EFCAB5: variants seen among roughly 807,000 people sequenced by gnomAD.
The protein encoded by EFCAB5 is EF-hand calcium-binding domain-containing protein 5.
Under a neutral mutation model 167.9 loss-of-function variants are expected in EFCAB5, and 131 were observed. That is an observed-to-expected ratio of 0.78 (90% CI 0.68 to 0.90). The LOEUF is 0.90. EFCAB5 is among the 40% of genes least tolerant of loss of function. The pLI is 0.00. For missense variants in EFCAB5, 1,663 were observed against 1,745.2 expected (o/e 0.95, Z 0.84); for synonymous variants, 574 against 602.8 (o/e 0.95, Z 0.70).
At chr17:29,947,266 G>A (rs148996939) in intron 3 of EFCAB5, among the ~76,000 whole-genome samples, 2 of 151,822 alleles carry the variant, frequency 1.3e-5, no homozygotes, top group African/African-American at 4.8e-5. Flanking sequence ...CTTTTCCAAC[G>A]ACTTGGATGG....
chr17:30,075,978 G>C (rs1455390255), intron 14 of EFCAB5, among the ~76,000 whole-genome samples: 1 of 152,174 alleles, frequency 6.6e-6, no homozygotes, highest in African/African-American at 2.4e-5. Context: ...AGATCCTTTT[G>C]GCTCAAGTAA....
intron 7 of EFCAB5, among the ~76,000 whole-genome samples, chr17:30,025,685 C>G (rs2069299453): frequency 6.6e-6 from 1 of 152,088 alleles, no homozygotes; most frequent in Non-Finnish European, 1.5e-5. Flanking sequence ...ACCCAAAGGA[C>G]TATAAATCAT....
At chr17:30,025,976 A>G (rs1471800158) in intron 7 of EFCAB5, among the ~76,000 whole-genome samples, 1 of 151,780 alleles carries the variant, frequency 6.6e-6, no homozygotes, top group Non-Finnish European at 1.5e-5. Flanking sequence ...CAATGAGAAC[A>G]CATGGACACA....
chr17:30,028,184 T>C (rs2069382954), intron 7 of EFCAB5, among the ~76,000 whole-genome samples: 1 of 152,186 alleles, frequency 6.6e-6, no homozygotes, highest in Non-Finnish European at 1.5e-5. Context: ...TATGGGATTG[T>C]TTAATATCAG....
intron 8 of EFCAB5, among the ~76,000 whole-genome samples, chr17:30,040,566 A>G (rs1308922854): frequency 6.6e-6 from 1 of 152,224 alleles, no homozygotes; most frequent in African/African-American, 2.4e-5. Context: ...TATAGTAAGT[A>G]TACTCCTTAG....
chr17:29,981,873 G>A (rs535615300), intron 4 of EFCAB5, among the ~76,000 whole-genome samples: 1 of 152,194 alleles, frequency 6.6e-6, no homozygotes, highest in East Asian at 1.9e-4. Context: ...TAATGAGGAT[G>A]CTATGATAAA....
intron 8 of EFCAB5, among the ~76,000 whole-genome samples, chr17:30,039,553 T>C (rs2069713585): frequency 6.6e-6 from 1 of 152,156 alleles, no homozygotes; most frequent in South Asian, 2.1e-4. Flanking sequence ...CCCCTGCATC[T>C]TGCTTGTGGT....
chr17:29,982,560 C>T (rs764494914), intron 4 of EFCAB5, among the ~76,000 whole-genome samples: 10 of 152,070 alleles, frequency 6.6e-5, no homozygotes, highest in Non-Finnish European at 1.2e-4. Flanking sequence ...AATTCAGGGG[C>T]TTTTAATTGT....
chr17:30,056,077 T>G lies in EFCAB5; in HGVS notation c.2286T>G (p.Thr762=), dbSNP rs2070256343. Residue 762 remains threonine (T), a synonymous_variant, in exon 12 of 23, where the codon ACT becomes ACG. Transcript: ENST00000394835. ...GTGTTTTTACAGGTGAATTTTTTAC[T>G]TGTAACTGGAAAATGAAGTATGTCA... is the stretch of plus-strand genomic sequence containing the variant. The part of the protein sequence containing the change: ...EGKSWSGEFF[T]CNWKMKYVTF... 1 of 1,612,742 alleles carries G rather than the reference T, an allele frequency of 6.2e-7. No individual in the cohort carries two copies. The highest frequency in any genetic ancestry group is 1.7e-5 in the Admixed American group (1 of 59,830).
intron 3 of EFCAB5, among the ~76,000 whole-genome samples, chr17:29,953,682 A>C (rs753466848): frequency 2.0e-5 from 3 of 152,246 alleles, no homozygotes; most frequent in Non-Finnish European, 4.4e-5. Context: ...GAACAGACTA[A>C]TACAGTAAAT....
In EFCAB5 at chr17:30,079,530, C is replaced by T. The variant is rs151278002; in HGVS notation, c.3028-542C>T. On this transcript the variant is annotated intron_variant, in intron 15 of 22. Transcript: ENST00000394835. ...TTAAGGTACAGAGAATTTATAGTTG[C>T]AGAAATAGTAGTTGCAGAAAGTCTG... 3.8e-3 allele frequency among the ~76,000 whole-genome samples: 574 copies of T among 152,156 alleles called. 3 individuals carry two copies. The highest frequency in any genetic ancestry group is 0.013 in the African/African-American group (551 of 41,496).
At chr17:29,991,129 TC>T (rs1179633372) in intron 4 of EFCAB5, among the ~76,000 whole-genome samples, 1 of 152,166 alleles carries the variant, frequency 6.6e-6, no homozygotes, top group Non-Finnish European at 1.5e-5. Context: ...GCTTCCGAGC[TC>T]CCCTTCTTAC....
chr17:30,095,566 C>T (rs551190933), intron 22 of EFCAB5, among the ~76,000 whole-genome samples: 2 of 152,266 alleles, frequency 1.3e-5, no homozygotes, highest in South Asian at 2.1e-4. Flanking sequence ...ATAGGTGCCA[C>T]GCTCCCTGCA....
intron 4 of EFCAB5, among the ~76,000 whole-genome samples, chr17:29,977,378 A>G (rs1429135670): frequency 6.6e-6 from 1 of 152,176 alleles, no homozygotes; most frequent in Non-Finnish European, 1.5e-5. Flanking sequence ...TAAAAAAAGA[A>G]AACTGTTAAT....
chr17:30,009,441 A>T (rs1312752033), intron 7 of EFCAB5, among the ~76,000 whole-genome samples: 1 of 152,240 alleles, frequency 6.6e-6, no homozygotes, highest in East Asian at 1.9e-4. Context: ...TTCTGTCTCC[A>T]TAGCTTTGTC....
chr17:30,021,322 A>G (rs1424274037), intron 7 of EFCAB5, among the ~76,000 whole-genome samples: 2 of 148,108 alleles, frequency 1.4e-5, no homozygotes, highest in African/African-American at 4.9e-5. Context: ...TATATATATA[A>G]CATATAAATA....
chr17:29,969,273 T>C lies in EFCAB5; in HGVS notation c.673T>C (p.Tyr225His). The C allele has an allele frequency of 1.2e-6, 2 of 1,613,634 alleles. No homozygotes were observed. The highest frequency in any genetic ancestry group is 1.7e-6 in the Non-Finnish European group (2 of 1,179,770). ...ATATTTAATAAGAAACAATCCTAAT[T>C]ATATCAAAGACCCAGGAATGTCTGG... ...GEYLIRNNPNYIKDPGMSGYQ... is the reference protein window; with the variant it reads ...GEYLIRNNPNHIKDPGMSGYQ... The change falls in exon 4 of 23, where the codon TAT becomes CAT. Residue 225 changes from tyrosine (Y) to histidine (H), a missense_variant. By Grantham distance (83) the Tyr-to-His change is moderately conservative. Coordinates refer to ENST00000394835, the MANE Select transcript of EFCAB5 (RefSeq NM_198529.4).
rs146698523 is a variant in EFCAB5, at chr17:29,970,848, G to A, written c.767+1481G>A. Among the ~76,000 whole-genome samples, 527 of 152,286 alleles carry A rather than the reference G, an allele frequency of 3.5e-3. 3 individuals carry two copies. Among genetic ancestry groups the A allele is most frequent in the Admixed American group, 4.3e-3 (66 of 15,304 alleles). On this transcript the variant is annotated intron_variant, in intron 4 of 22. Transcript: ENST00000394835. ...CCAGCACTTTGGGAGGCCAAGACAG[G>A]CTGATCACCTGAGGTCAGGAGTTCA...
chr17:29,979,745 T>C (rs1303132003), intron 4 of EFCAB5, among the ~76,000 whole-genome samples: 1 of 152,216 alleles, frequency 6.6e-6, no homozygotes, highest in Non-Finnish European at 1.5e-5. Flanking sequence ...CACTGTAATG[T>C]AATTGTTATT....
Sources: gnomAD v4.1 joint callset for allele counts (sites outside exome capture counted in the v4.1 genomes callset) on GRCh38, gnomAD v4.1.1 for gene constraint, MANE v1.5 for transcripts, NCBI Gene and HGNC (gene_info 2026-07-23, HGNC 2026-07-21) for gene names.